Variants in RAI2 observed in about 807,000 individuals in gnomAD.
The protein encoded by RAI2 is retinoic acid induced 2, also known as retinoic acid-induced protein 2.
In RAI2, 5 loss-of-function variants were observed where a neutral mutation model predicts 15.3. The observed-to-expected ratio is 0.33, with a 90% CI of 0.17 to 0.69. The LOEUF is 0.69. Among genes scored for constraint, RAI2 ranks in the 30% least tolerant of loss-of-function variants. The probability of loss-of-function intolerance (pLI) is 0.69; values close to 1 mark genes in which losing one functional copy is unlikely to be tolerated. For synonymous variants in RAI2, 191 were observed against 184.0 expected (o/e 1.04, Z -0.31); for missense variants, 424 against 424.7 (o/e 1.00, Z 0.01).
At chrX:17,820,131 G>C (rs1464237234) in intron 1 of RAI2, among the ~76,000 whole-genome samples, 4 of 111,860 alleles carry the variant, frequency 3.6e-5, no homozygotes, top group Non-Finnish European at 3.8e-5. Flanking sequence ...ACTTCTCTGG[G>C]CACCTGCCAG....
At chrX:17,834,082 T>A (rs943862770) in intron 1 of RAI2, among the ~76,000 whole-genome samples, 1 of 111,763 alleles carries the variant, frequency 8.9e-6, no homozygotes, top group Admixed American at 9.5e-5. Flanking sequence ...GGGCTTACTC[T>A]CAAATATCTT....
chrX:17,814,661 TA>T (rs1035206700), intron 1 of RAI2, among the ~76,000 whole-genome samples: 2 of 109,334 alleles, frequency 1.8e-5, no homozygotes, highest in Non-Finnish European at 3.8e-5. Flanking sequence ...CAAGATCTTA[TA>T]AAAAAAACAA....
At chrX:17,855,657 C>T (rs1471730997) in intron 1 of RAI2, among the ~76,000 whole-genome samples, 1 of 111,719 alleles carries the variant, frequency 9.0e-6, no homozygotes, top group Non-Finnish European at 1.9e-5. Context: ...TTTATGTCCC[C>T]AGAACATCTG....
chrX:17,853,818 T>C (rs1202664848), intron 1 of RAI2, among the ~76,000 whole-genome samples: 1 of 111,438 alleles, frequency 9.0e-6, no homozygotes, highest in African/African-American at 3.3e-5. Flanking sequence ...ATTGTGATGA[T>C]GGTGGGGGTA....
chrX:17,810,437 A>C (rs1290964771), intron 1 of RAI2, among the ~76,000 whole-genome samples: 2 of 112,957 alleles, frequency 1.8e-5, no homozygotes, highest in Non-Finnish European at 3.7e-5. Context: ...TATCCAAAAG[A>C]TAAGTCATTG....
At position 17,801,734 on chromosome X, in the gene RAI2, G is replaced by C; in HGVS notation, c.277C>G (p.His93Asp). 1 of 1,212,077 alleles carries C rather than the reference G, an allele frequency of 8.3e-7. No individual in the cohort carries two copies. The highest frequency in any genetic ancestry group is 1.1e-6 in the Non-Finnish European group (1 of 895,616). ...GCGGAGCTTCCCTCCACCTGCATGT[G>C]AATGGGCATCACCACTGGGCTCTCC... The part of the protein sequence containing the change: ...LGESPVVMPI[H>D]MQVEGSSAPE... The change falls in exon 2 of 2, where the codon CAC (histidine) becomes GAC (aspartate). Residue 93 changes from histidine (H) to aspartate (D), a missense_variant. Coordinates refer to ENST00000451717, the MANE Select transcript of RAI2 (RefSeq NM_021785.6).
At chrX:17,837,168 G>T (rs932130819) in intron 1 of RAI2, among the ~76,000 whole-genome samples, 1 of 111,565 alleles carries the variant, frequency 9.0e-6, no homozygotes, top group Non-Finnish European at 1.9e-5. Flanking sequence ...GGTTCGAAGT[G>T]AGCACACAGA....
chrX:17,829,030 C>T (rs1052106964), intron 1 of RAI2, among the ~76,000 whole-genome samples: 2 of 110,824 alleles, frequency 1.8e-5, no homozygotes, highest in Non-Finnish European at 3.8e-5. Context: ...TCTCGACACC[C>T]GAGGGATCCA....
chrX:17,815,744 G>A (rs768737512), intron 1 of RAI2, among the ~76,000 whole-genome samples: 83 of 110,946 alleles, frequency 7.5e-4, no homozygotes, highest in African/African-American at 2.3e-3. Flanking sequence ...AAGTAATTGC[G>A]GTTTTTGCCA....
chrX:17,808,912 C>T (rs1439727458), intron 1 of RAI2, among the ~76,000 whole-genome samples: 1 of 112,465 alleles, frequency 8.9e-6, no homozygotes, highest in African/African-American at 3.2e-5. Flanking sequence ...CATGGTTTTA[C>T]CATTCGGGAC....
intron 1 of RAI2, among the ~76,000 whole-genome samples, chrX:17,827,000 T>C (rs1686049638): frequency 1.8e-5 from 2 of 112,664 alleles, no homozygotes; most frequent in South Asian, 7.3e-4. Flanking sequence ...TCCATTTATT[T>C]TGGCTACAGC....
At chrX:17,832,439 G>A (rs886162917) in intron 1 of RAI2, among the ~76,000 whole-genome samples, 6 of 112,193 alleles carry the variant, frequency 5.3e-5, no homozygotes, top group African/African-American at 1.9e-4. Flanking sequence ...GGAGGGAGGG[G>A]GCAGCCTTCT....
intron 1 of RAI2, among the ~76,000 whole-genome samples, chrX:17,844,955 C>T (rs1432905895): frequency 1.8e-5 from 2 of 112,494 alleles, no homozygotes; most frequent in African/African-American, 6.5e-5. Flanking sequence ...ATTTTTAACA[C>T]ATCTCCCATC....
intron 1 of RAI2, among the ~76,000 whole-genome samples, chrX:17,819,492 C>T (rs2067142000): frequency 8.9e-6 from 1 of 112,054 alleles, no homozygotes; most frequent in Non-Finnish European, 1.9e-5. Flanking sequence ...TGGGTATTCT[C>T]CCAAAAGAAA....
intron 1 of RAI2, among the ~76,000 whole-genome samples, chrX:17,836,018 T>C (rs764944838): frequency 4.5e-4 from 50 of 112,255 alleles, no homozygotes; most frequent in African/African-American, 1.6e-3. Context: ...TATTTTATGA[T>C]AAGCCATTTT....
intron 1 of RAI2, among the ~76,000 whole-genome samples, chrX:17,840,748 A>G (rs1223575905): frequency 8.9e-6 from 1 of 111,973 alleles, no homozygotes; most frequent in African/African-American, 3.3e-5. Flanking sequence ...ACTCCATCCC[A>G]GACAGCCAGT....
intron 1 of RAI2, among the ~76,000 whole-genome samples, chrX:17,804,058 C>T (rs1047002776): frequency 9.1e-6 from 1 of 109,751 alleles, no homozygotes; most frequent in South Asian, 4.0e-4. Context: ...CTCCTGGATT[C>T]AAGTGATTCT....
At chrX:17,805,087 T>C (rs1290669722) in intron 1 of RAI2, among the ~76,000 whole-genome samples, 1 of 112,549 alleles carries the variant, frequency 8.9e-6, no homozygotes, top group Non-Finnish European at 1.9e-5. Context: ...GAAAAACTGA[T>C]TCCACAGGGA....
chrX:17,814,345 ACAAAAAC>A (rs1303870914), intron 1 of RAI2, among the ~76,000 whole-genome samples: 4 of 101,021 alleles, frequency 4.0e-5, no homozygotes, highest in Admixed American at 1.1e-4. Flanking sequence ...TGCTCCTGAG[ACAAAAAC>A]CAAAAACCAA....
Sources: allele counts gnomAD v4.1 joint callset (sites outside exome capture counted in the v4.1 genomes callset), GRCh38; gene constraint gnomAD v4.1.1; transcripts MANE v1.5; gene names NCBI Gene and HGNC (gene_info 2026-07-23, HGNC 2026-07-21).